Variants in PPEF1 observed in about 807,000 individuals in gnomAD.
PPEF1 encodes the protein protein phosphatase with EF-hand domain 1, also known as serine/threonine-protein phosphatase with EF-hands 1.
PPEF1 carries 12 observed loss-of-function variants against 53.3 expected under a neutral mutation model. That is an observed-to-expected ratio of 0.23 (90% CI 0.14 to 0.36). The LOEUF is 0.36. PPEF1 is among the 10% of genes least tolerant of loss of function. PPEF1 has a pLI of 1.00. For synonymous variants in PPEF1, 165 were observed against 176.7 expected, an observed-to-expected ratio of 0.93 and a Z score of 0.52; for missense variants, 334 against 490.4, an observed-to-expected ratio of 0.68 and a Z score of 3.01.
intron 4 of PPEF1, among the ~76,000 whole-genome samples, chrX:18,753,205 T>C (rs1602414662): frequency 1.4e-5 from 1 of 69,383 alleles, no homozygotes; most frequent in Admixed American, 1.9e-4. Context: ...TTTTTATTTC[T>C]TCTTGAGTCT....
At chrX:18,703,684 G>A (rs1158168479), upstream of PPEF1, among the ~76,000 whole-genome samples, 1 of 111,633 alleles carries the variant, frequency 9.0e-6, no homozygotes, top group Non-Finnish European at 1.9e-5. Flanking sequence ...ATATACTCAA[G>A]TTTGATGCTT....
intron 10 of PPEF1, among the ~76,000 whole-genome samples, chrX:18,794,607 G>A (rs1023412170): frequency 8.9e-6 from 1 of 112,764 alleles, no homozygotes; most frequent in Non-Finnish European, 1.9e-5. Context: ...GAGCAAGCAT[G>A]GGGGCAGTTG....
Position 18,737,270 on chromosome X carries a change from A to G in PPEF1, c.235+3462A>G, listed in dbSNP as rs561266195. Among the ~76,000 whole-genome samples, 9 of 112,114 alleles carry G rather than the reference A, an allele frequency of 8.0e-5. No individual in the cohort carries two copies. In the South Asian group the frequency reaches 2.2e-3, roughly 28 times the overall value. ...CTTTCTCTTGTGGGCATTTAGTGCT[A>G]TAAGTTTCCCTCTACACACTGCTTT... is the stretch of plus-strand genomic sequence containing the variant. On this transcript the variant is annotated intron_variant, in intron 3 of 15. Coordinates refer to ENST00000470157, the MANE Select transcript of PPEF1 (RefSeq NM_001377996.1).
In PPEF1 at chrX:18,724,902, A is replaced by T. The variant is rs370452820; in HGVS notation, c.47-5279A>T. On this transcript the variant is annotated intron_variant, in intron 1 of 15. Coordinates refer to ENST00000470157, the MANE Select transcript of PPEF1 (RefSeq NM_001377996.1). ...GCTGGCTAGTGCTGTCCTGTGGTGG[A>T]TGGGGCTTAGGAATTAGGTGAGGTT... Among the ~76,000 whole-genome samples the T allele has an allele frequency of 8.4e-3, 933 of 110,435 alleles. 9 individuals carry two copies. Among genetic ancestry groups the T allele is most frequent in the African/African-American group, 0.029 (887 of 30,309 alleles).
chrX:18,746,237 A>T (rs530142333), intron 3 of PPEF1, among the ~76,000 whole-genome samples: 236 of 112,509 alleles, frequency 2.1e-3, no homozygotes, highest in South Asian at 0.011. Context: ...TAGTTATAAT[A>T]GTTCTAGCCC....
chrX:18,696,944 A>G (rs1207056667), intron 4 of PPEF1, among the ~76,000 whole-genome samples: 7 of 112,166 alleles, frequency 6.2e-5, no homozygotes, highest in Non-Finnish European at 3.8e-5. Context: ...CCTCAATTCT[A>G]GCATACTCCT....
intron 6 of PPEF1, among the ~76,000 whole-genome samples, chrX:18,762,981 C>T (rs1167526797): frequency 1.8e-5 from 2 of 111,581 alleles, no homozygotes; most frequent in Non-Finnish European, 3.8e-5. Flanking sequence ...CTGTAAGTGG[C>T]TCCAGGGAGA....
chrX:18,690,110 G>A (rs1225445569), intron 3 of PPEF1, among the ~76,000 whole-genome samples: 1 of 111,474 alleles, frequency 9.0e-6, no homozygotes, highest in Non-Finnish European at 1.9e-5. Context: ...ATAAGCTTTA[G>A]GAGGGAAGAG....
intron 3 of PPEF1, among the ~76,000 whole-genome samples, chrX:18,745,984 T>G (rs1023312142): frequency 8.0e-5 from 9 of 112,228 alleles, no homozygotes; most frequent in African/African-American, 2.9e-4. Context: ...GAAATTGTTG[T>G]ATAAAAATTT....
intron 4 of PPEF1, among the ~76,000 whole-genome samples, chrX:18,754,229 CTT>C (rs1402769378): frequency 9.0e-6 from 1 of 111,547 alleles, no homozygotes; most frequent in Non-Finnish European, 1.9e-5. Flanking sequence ...TTGCTATAAA[CTT>C]TGAGTATTTT....
intron 6 of PPEF1, among the ~76,000 whole-genome samples, chrX:18,701,484 A>G (rs1225010073): frequency 2.7e-5 from 3 of 112,464 alleles, no homozygotes; most frequent in African/African-American, 9.7e-5. Context: ...TAAGATATGC[A>G]TTATTATCAC....
rs749885975 is a variant in PPEF1, at chrX:18,780,882, G to A, written c.726-1484G>A. 8.2e-5 allele frequency among the ~76,000 whole-genome samples: 9 copies of A among 109,344 alleles called. No individual in the cohort carries two copies. In the South Asian group the frequency reaches 3.2e-3, roughly 39 times the overall value. 95.0% of individuals were successfully genotyped at this position (109,344 alleles called of 115,157 possible). Reference sequence around the variant, plus strand: ...ATCCTGGCTAACACAGTGAAACCCCGTCTCTACTAAAAAATACAAAAAAAT... The same window carrying A: ...ATCCTGGCTAACACAGTGAAACCCCATCTCTACTAAAAAATACAAAAAAAT... On this transcript the variant is annotated intron_variant, in intron 7 of 15. Coordinates refer to ENST00000470157, the MANE Select transcript of PPEF1 (RefSeq NM_001377996.1).
intron 2 of PPEF1, 36 bp downstream of exon 2, chrX:18,730,344 A>G: frequency 1.7e-6 from 2 of 1,189,647 alleles, no homozygotes; most frequent in South Asian, 1.8e-5. Flanking sequence ...TTTTGATAAA[A>G]TGATTCTCTT....
At chrX:18,683,215 G>A (rs971720904) in intron 1 of PPEF1, among the ~76,000 whole-genome samples, 1 of 111,590 alleles carries the variant, frequency 9.0e-6, no homozygotes, top group Non-Finnish European at 1.9e-5. Flanking sequence ...CACCTGGGTT[G>A]TGGTTTCCCT....
chrX:18,736,140 C>T (rs1350097646), intron 3 of PPEF1, among the ~76,000 whole-genome samples: 1 of 111,156 alleles, frequency 9.0e-6, no homozygotes, highest in Non-Finnish European at 1.9e-5. Context: ...TGCCTGATTG[C>T]CCTGGCCAGA....
chrX:18,731,950 G>A (rs750076139), intron 2 of PPEF1, among the ~76,000 whole-genome samples: 6 of 111,713 alleles, frequency 5.4e-5, no homozygotes, highest in Non-Finnish European at 1.1e-4. Flanking sequence ...GCAGTGGCAC[G>A]ATTTCAGATC....
intron 2 of PPEF1, among the ~76,000 whole-genome samples, chrX:18,732,695 T>G (rs953094642): frequency 1.8e-5 from 2 of 111,423 alleles, no homozygotes; most frequent in African/African-American, 3.3e-5. Context: ...ACTCCCAGAT[T>G]GATAAAGTGT....
At chrX:18,763,496 AGTT>A (rs1462719683) in intron 6 of PPEF1, among the ~76,000 whole-genome samples, 6 of 110,933 alleles carry the variant, frequency 5.4e-5, no homozygotes, top group Admixed American at 4.8e-4. Flanking sequence ...GTACTGAGAC[AGTT>A]GTTATGGAGG....
intron 5 of PPEF1, among the ~76,000 whole-genome samples, chrX:18,760,621 T>A (rs997306428): frequency 9.1e-6 from 1 of 109,466 alleles, no homozygotes; most frequent in Admixed American, 9.8e-5. Flanking sequence ...TTTCGTTTTA[T>A]TTTTGAGACA....
Sources: gnomAD v4.1 joint callset for allele counts (sites outside exome capture counted in the v4.1 genomes callset) on GRCh38, gnomAD v4.1.1 for gene constraint, MANE v1.5 for transcripts, NCBI Gene and HGNC (gene_info 2026-07-23, HGNC 2026-07-21) for gene names.